The following LYAR variants were observed in gnomAD, a reference collection of about 807,000 sequenced individuals.
The protein encoded by LYAR is Ly1 antibody reactive, also known as cell growth-regulating nucleolar protein.
A neutral mutation model predicts 45.2 loss-of-function variants in LYAR; 37 were observed. The observed-to-expected ratio is 0.82, with a 90% CI of 0.63 to 1.08. LYAR has a LOEUF of 1.08. Among genes scored for constraint, LYAR ranks in the 50% least tolerant of loss-of-function variants. The pLI is 0.00. For synonymous variants in LYAR, 176 were observed against 155.1 expected, an observed-to-expected ratio of 1.14 and a Z score of -1.00; for missense variants, 493 against 451.0, an observed-to-expected ratio of 1.09 and a Z score of -0.84.
chr4:4,281,089 C>T (rs1560096031), intron 4 of LYAR, among the ~76,000 whole-genome samples: 1 of 152,150 alleles, frequency 6.6e-6, no homozygotes, highest in East Asian at 1.9e-4. Flanking sequence ...ACGAAAGTAT[C>T]TTTATTTTGC....
intron 3 of LYAR, among the ~76,000 whole-genome samples, 176 bp downstream of exon 3, chr4:4,283,445 G>A (rs2916440): frequency 3.5e-4 from 53 of 152,290 alleles, no homozygotes; most frequent in African/African-American, 1.1e-3. Flanking sequence ...CACTGCGCCC[G>A]GCCTAGTAAA....
chr4:4,282,518 G>A (rs1319548194), intron 3 of LYAR, among the ~76,000 whole-genome samples: 1 of 152,092 alleles, frequency 6.6e-6, no homozygotes, highest in African/African-American at 2.4e-5. Context: ...CTGAACAGAG[G>A]TTAGCAGTTT....
intron 4 of LYAR, among the ~76,000 whole-genome samples, chr4:4,281,178 G>A (rs1253733958): frequency 1.3e-5 from 2 of 152,182 alleles, no homozygotes; most frequent in Non-Finnish European, 2.9e-5. Context: ...GAAGCAGGGA[G>A]AGATTAGAAG....
chr4:4,273,492 G>C, intron 8 of LYAR, 91 bp downstream of exon 8: 1 of 853,772 alleles, frequency 1.2e-6, no homozygotes, highest in Non-Finnish European at 1.9e-6. Context: ...GAGCTCAAGT[G>C]ACCCTCCTGC....
At chr4:4,287,992 T>C (rs1031323177) in intron 1 of LYAR, among the ~76,000 whole-genome samples, 2 of 152,190 alleles carry the variant, frequency 1.3e-5, no homozygotes, top group East Asian at 3.9e-4. Context: ...CTTAACAAGA[T>C]GGTTGCCAGC....
intron 7 of LYAR, 108 bp downstream of exon 7, chr4:4,274,259 A>AAC: frequency 1.3e-5 from 16 of 1,222,250 alleles, no homozygotes; most frequent in East Asian, 2.4e-5. Flanking sequence ...AAAAAAAAAA[A>AAC]CCACACACAC....
In LYAR at chr4:4,267,795, A is replaced by G; in HGVS notation, c.*94T>C. Reference sequence around the variant, plus strand: ...CTTAAAAATACAGCTTCAAAAAGCAAAATTTGAGTTGTTAGAATTCATTAC... The same window carrying G: ...CTTAAAAATACAGCTTCAAAAAGCAGAATTTGAGTTGTTAGAATTCATTAC... On this transcript the variant is annotated 3_prime_UTR_variant, in exon 10 of 10. Coordinates refer to ENST00000343470, the MANE Select transcript of LYAR (RefSeq NM_017816.3). 1 of 1,112,740 alleles carries G rather than the reference A, an allele frequency of 9.0e-7. No homozygotes were observed. Among genetic ancestry groups the G allele is most frequent in the Non-Finnish European group, 1.2e-6 (1 of 839,964 alleles). 68.9% of individuals were successfully genotyped at this position (1,112,740 alleles called of 1,614,324 possible).
chr4:4,274,590 C>A lies in LYAR; in HGVS notation c.609G>T (p.Lys203Asn), dbSNP rs143281420. The A allele has an allele frequency of 1.4e-3, 2,197 of 1,613,622 alleles. 2 individuals carry two copies. Among genetic ancestry groups the A allele is most frequent in the Non-Finnish European group, 1.7e-3 (1,977 of 1,179,944 alleles). The part of the protein sequence containing the change: ...EERQKKRKRE[K>N]KELKLENHQE... ...GGTGGTTTTCTAACTTTAGTTCTTT[C>A]TTTTCTCTTTTCCTTTTCTTCTGCC... is the stretch of plus-strand genomic sequence containing the variant. Residue 203 changes from lysine to asparagine, a missense_variant, in exon 7 of 10, where the codon AAG becomes AAT. Transcript: ENST00000343470.
At chr4:4,285,172 C>A (rs926547802) in intron 2 of LYAR, among the ~76,000 whole-genome samples, 3 of 152,164 alleles carry the variant, frequency 2.0e-5, no homozygotes, top group Non-Finnish European at 4.4e-5. Flanking sequence ...AAACCACAGA[C>A]CCCTGATTCC....
chr4:4,268,823 G>A (rs1718813051), intron 8 of LYAR: 1 of 471,980 alleles, frequency 2.1e-6, no homozygotes, highest in Non-Finnish European at 3.7e-6. Flanking sequence ...AGAGTGAGCA[G>A]GTGCCCATGT....
intron 8 of LYAR, among the ~76,000 whole-genome samples, chr4:4,270,268 T>TTTAA (rs1553859117): frequency 8.2e-6 from 1 of 121,976 alleles, no homozygotes; most frequent in Non-Finnish European, 1.7e-5. Flanking sequence ...TGTTGATTTG[T>TTTAA]AAAAAAAAAA....
rs1291808215 is a variant in LYAR, at chr4:4,279,753, C to T, written c.238-4G>A. On this transcript the variant is annotated splice_region_variant and splice_polypyrimidine_tract_variant and intron_variant, in intron 4 of 9. Transcript: ENST00000343470. Reference sequence around the variant, plus strand: ...TCTTTATTAATTCACTAATTTTCTACAAAAAGGGAAGAAAAAAGAAAAACT... The same window carrying T: ...TCTTTATTAATTCACTAATTTTCTATAAAAAGGGAAGAAAAAAGAAAAACT... 6.4e-7 allele frequency: 1 copy of T among 1,558,742 alleles called. No individual in the cohort carries two copies. Among genetic ancestry groups the T allele is most frequent in the Admixed American group, 1.9e-5 (1 of 53,974 alleles).
At position 4,283,712 on chromosome 4, in the gene LYAR, C is replaced by T; in HGVS notation, c.31G>A (p.Glu11Lys). ...TCCACTTGTATTTTCTTCACTGATTCACCACATGCATTGCATGTAAAAAAT... is the reference window on the plus strand; with the variant it reads ...TCCACTTGTATTTTCTTCACTGATTTACCACATGCATTGCATGTAAAAAAT... MVFFTCNACG[E>K]SVKKIQVEKH... The change falls in exon 3 of 10, where the codon GAA (glutamate) becomes AAA (lysine). Residue 11 changes from glutamate to lysine, a missense_variant. Glu to Lys is a moderately conservative substitution (Grantham distance 56). Transcript: ENST00000343470. 1 of 1,611,924 alleles carries T rather than the reference C, an allele frequency of 6.2e-7. No individual in the cohort carries two copies. The highest frequency in any genetic ancestry group is 8.5e-7 in the Non-Finnish European group (1 of 1,179,108).
intron 9 of LYAR, 32 bp downstream of exon 9, chr4:4,268,498 G>A: frequency 7.3e-7 from 1 of 1,373,248 alleles, no homozygotes; most frequent in Non-Finnish European, 1.0e-6. Flanking sequence ...CTCCCCAGCT[G>A]TTAGACACGT....
chr4:4,280,010 A>G (rs1309715537), intron 4 of LYAR, among the ~76,000 whole-genome samples: 5 of 152,234 alleles, frequency 3.3e-5, no homozygotes, highest in Non-Finnish European at 7.3e-5. Context: ...CTGTTCACAG[A>G]TGATGTGGTC....
chr4:4,270,570 A>G (rs1278529970), intron 8 of LYAR, among the ~76,000 whole-genome samples: 1 of 151,414 alleles, frequency 6.6e-6, no homozygotes, highest in Non-Finnish European at 1.5e-5. Context: ...AACAACCAAA[A>G]AAACCCCAAA....
At chr4:4,281,599 G>A (rs1379850508) in intron 4 of LYAR, among the ~76,000 whole-genome samples, 184 bp downstream of exon 4, 1 of 152,188 alleles carries the variant, frequency 6.6e-6, no homozygotes, top group African/African-American at 2.4e-5. Flanking sequence ...GATTACAGGC[G>A]TGAGCCACCA....
At position 4,273,580 on chromosome 4, in the gene LYAR, T is replaced by C. The variant is rs780843607; in HGVS notation, c.919+3A>G. The C allele has an allele frequency of 5.0e-6, 8 of 1,609,450 alleles. No homozygotes were observed. In the East Asian group the frequency reaches 6.7e-5, roughly 13 times the overall value. ...TGCTCCTCAAATGACAGCAGTGATA[T>C]ACCTTTTGCAGGAGCCTCATCGTCT... On this transcript the variant is annotated splice_donor_region_variant and intron_variant, in intron 8 of 9. Transcript: ENST00000343470.
Position 4,274,650 on chromosome 4 carries a change from C to A in LYAR, c.549G>T (p.Glu183Asp). The A allele has an allele frequency of 1.2e-6, 2 of 1,614,024 alleles. No homozygotes were observed. Among genetic ancestry groups the A allele is most frequent in the Non-Finnish European group, 1.7e-6 (2 of 1,180,028 alleles). The change falls in exon 7 of 10, where the codon GAG (glutamate) becomes GAT (aspartate). Residue 183 changes from glutamate to aspartate, a missense_variant. By Grantham distance (45) the Glu-to-Asp change is conservative (BLOSUM62 2). Transcript: ENST00000343470. ...TTCTTTCTCTTTTATTCTTCTTCACCTCCCCTTGCTGTTCCACGGCGTCTT... is the reference window on the plus strand; with the variant it reads ...TTCTTTCTCTTTTATTCTTCTTCACATCCCCTTGCTGTTCCACGGCGTCTT... The part of the protein sequence containing the change: ...KVKDAVEQQG[E>D]VKKNKRERKE...
Sources: gnomAD v4.1 joint callset for allele counts (sites outside exome capture counted in the v4.1 genomes callset) on GRCh38, gnomAD v4.1.1 for gene constraint, MANE v1.5 for transcripts, NCBI Gene and HGNC (gene_info 2026-07-23, HGNC 2026-07-21) for gene names.